The following PER2 variants were observed in gnomAD, a reference collection of about 807,000 sequenced individuals.
The protein encoded by PER2 is period circadian regulator 2, also known as period circadian protein homolog 2.
Under a neutral mutation model 121.0 loss-of-function variants are expected in PER2, and 66 were observed. The ratio of observed to expected loss-of-function variants is 0.55; its 90% CI spans 0.45 to 0.67. The LOEUF (loss-of-function observed/expected upper bound fraction) is 0.67. Among genes scored for constraint, PER2 ranks in the 30% least tolerant of loss-of-function variants. The pLI, the probability that PER2 is intolerant of heterozygous loss-of-function variation, is 0.00. For missense variants in PER2, 1,521 were observed against 1,635.0 expected (o/e 0.93, Z 1.20); for synonymous variants, 684 against 659.9 (o/e 1.04, Z -0.56).
intron 14 of PER2, 143 bp from the exon 15 acceptor site, chr2:238,258,787 T>G: frequency 1.2e-6 from 1 of 840,452 alleles, no homozygotes; most frequent in Non-Finnish European, 1.9e-6. Flanking sequence ...GGGGACAGCC[T>G]GGCATCTGGC....
At chr2:238,285,949 C>A (rs1168769365) in intron 1 of PER2, among the ~76,000 whole-genome samples, 2 of 152,112 alleles carry the variant, frequency 1.3e-5, no homozygotes, top group African/African-American at 4.8e-5. Context: ...GTTTGTCCTG[C>A]TAAATAAACA....
At chr2:238,261,963 C>T in intron 11 of PER2, 126 bp from the exon 12 acceptor site, 2 of 754,378 alleles carry the variant, frequency 2.7e-6, no homozygotes, top group Admixed American at 2.2e-5. Flanking sequence ...GCCCCCCAGG[C>T]TGCTGCCTGT....
At chr2:238,261,390 C>G (rs957224678) in intron 12 of PER2, 1 of 407,126 alleles carries the variant, frequency 2.5e-6, no homozygotes, top group Non-Finnish European at 4.6e-6. Context: ...CCCTTAAGTC[C>G]CACTGCTCTG....
rs868221335 is a variant in PER2, at chr2:238,246,460, G to C, written c.3683C>G (p.Pro1228Arg). Residue 1228 changes from proline (P) to arginine (R), a missense_variant, in exon 23 of 23, where the codon CCT (proline) becomes CGT (arginine). Physicochemically the swap from Pro to Arg is moderately radical, Grantham distance 103. Transcript: ENST00000254657. ...NICIPYEEDI[P>R]SLGLSEVSDT... ...CGACACTTCGCTGAGTCCCAGAGAAGGAATATCTTCCTCATATGGTATGCA... is the reference window on the plus strand; with the variant it reads ...CGACACTTCGCTGAGTCCCAGAGAACGAATATCTTCCTCATATGGTATGCA... 2 of 1,600,558 alleles carry C rather than the reference G, an allele frequency of 1.2e-6. No homozygotes were observed. The highest frequency in any genetic ancestry group is 1.7e-6 in the Non-Finnish European group (2 of 1,167,920).
chr2:238,262,518 G>A (rs1695966850), intron 10 of PER2, among the ~76,000 whole-genome samples, 174 bp from the exon 11 acceptor site: 1 of 152,150 alleles, frequency 6.6e-6, no homozygotes, highest in East Asian at 1.9e-4. Flanking sequence ...ATTACCAGGA[G>A]GCTGTTTCCA....
chr2:238,270,437 AT>A (rs1343340082), intron 6 of PER2, among the ~76,000 whole-genome samples: 3 of 151,782 alleles, frequency 2.0e-5, no homozygotes, highest in African/African-American at 4.8e-5. Flanking sequence ...AAAAAAAAAA[AT>A]CTTAGATCTA....
chr2:238,246,850 T>C (rs1163927854), intron 22 of PER2, among the ~76,000 whole-genome samples: 1 of 152,186 alleles, frequency 6.6e-6, no homozygotes, highest in Non-Finnish European at 1.5e-5. Context: ...TGCTCCAGCC[T>C]GGGCGACAGA....
At chr2:238,258,088 C>A (rs1695816712) in intron 16 of PER2, among the ~76,000 whole-genome samples, 188 bp downstream of exon 16, 1 of 152,270 alleles carries the variant, frequency 6.6e-6, no homozygotes, top group Non-Finnish European at 1.5e-5. Context: ...GTTCTCAAAG[C>A]CAAGGCTCTG....
At chr2:238,256,766 C>G (rs991280901) in intron 17 of PER2, among the ~76,000 whole-genome samples, 156 bp downstream of exon 17, 1 of 152,278 alleles carries the variant, frequency 6.6e-6, no homozygotes, top group Non-Finnish European at 1.5e-5. Flanking sequence ...GCTGGCCGCA[C>G]TCCACCCTGC....
intron 17 of PER2, among the ~76,000 whole-genome samples, chr2:238,256,454 AAAGAAC>A (rs1472372162): frequency 6.6e-6 from 1 of 152,198 alleles, no homozygotes; most frequent in Admixed American, 6.5e-5. Context: ...ATAATATTCT[AAAGAAC>A]AAGAACACTC....
chr2:238,273,332 A>G, intron 4 of PER2, 141 bp from the exon 5 acceptor site: 1 of 899,680 alleles, frequency 1.1e-6, no homozygotes, highest in East Asian at 2.7e-5. Flanking sequence ...GACACAGAAC[A>G]TACGGAAACG....
At chr2:238,295,034 C>T (rs1175689862), upstream of PER2, among the ~76,000 whole-genome samples, 1 of 152,228 alleles carries the variant, frequency 6.6e-6, no homozygotes, top group Admixed American at 6.5e-5. Context: ...AAGGCTCAGG[C>T]CTGTGCACCT....
At chr2:238,270,771 C>T (rs1412141214) in intron 6 of PER2, among the ~76,000 whole-genome samples, 1 of 152,246 alleles carries the variant, frequency 6.6e-6, no homozygotes, top group Non-Finnish European at 1.5e-5. Flanking sequence ...GGCCCAGCAG[C>T]CAAGAAGGCT....
chr2:238,249,535 C>T (rs541426412), intron 21 of PER2, among the ~76,000 whole-genome samples: 6 of 152,342 alleles, frequency 3.9e-5, no homozygotes, highest in African/African-American at 1.2e-4. Context: ...AGCAGGACGG[C>T]ATTCCCCTGC....
intron 18 of PER2, chr2:238,254,871 A>C (rs1176609333): frequency 6.6e-6 from 1 of 152,060 alleles, no homozygotes; most frequent in Non-Finnish European, 1.5e-5. Context: ...CTGTGGGCTT[A>C]ATTTCTTACA....
At position 238,256,169 on chromosome 2, in the gene PER2, T is replaced by C. The variant is rs925518217; in HGVS notation, c.2066-258A>G. ...TGAACAAACGGAAACGTGGGGAACCTTGGGCTTCAGCTCTGCTGCTGAAGA... is the reference window on the plus strand; with the variant it reads ...TGAACAAACGGAAACGTGGGGAACCCTGGGCTTCAGCTCTGCTGCTGAAGA... On this transcript the variant is annotated intron_variant, in intron 17 of 22. Coordinates refer to ENST00000254657, the MANE Select transcript of PER2 (RefSeq NM_022817.3). Among the ~76,000 whole-genome samples, 4 of 152,254 alleles carry C rather than the reference T, an allele frequency of 2.6e-5. No homozygotes were observed. In the South Asian group the frequency reaches 6.2e-4, roughly 24 times the overall value.
rs1574836012 is a variant in PER2 at position 238,246,401 on chromosome 2, T to C, written c.3742A>G (p.Asn1248Asp). The C allele has an allele frequency of 1.2e-6, 2 of 1,612,358 alleles. No homozygotes were observed. The highest frequency in any genetic ancestry group is 1.3e-5 in the African/African-American group (1 of 74,894). ...TACGTCTGCTCTTCGATCCTGTGAT[T>C]CAAGGGGGATCCATTTTCGTCTTCT... Reference protein sequence around the residue: ...TKEDENGSPLNHRIEEQT With the variant: ...TKEDENGSPLDHRIEEQT Residue 1248 changes from asparagine to aspartate, a missense_variant, in exon 23 of 23, where the codon AAT (asparagine) becomes GAT (aspartate). Coordinates refer to ENST00000254657, the MANE Select transcript of PER2 (RefSeq NM_022817.3).
intron 16 of PER2, among the ~76,000 whole-genome samples, chr2:238,257,505 G>A (rs551399792): frequency 6.6e-6 from 1 of 152,096 alleles, no homozygotes; most frequent in Non-Finnish European, 1.5e-5. Context: ...ATGGAGTCTC[G>A]CTCTGTCACC....
intron 1 of PER2, among the ~76,000 whole-genome samples, chr2:238,283,379 C>A (rs944429293): frequency 6.6e-6 from 1 of 152,214 alleles, no homozygotes; most frequent in Non-Finnish European, 1.5e-5. Context: ...TCTACTGCTA[C>A]CCTGGGACTG....
Sources: gnomAD v4.1 joint callset for allele counts (sites outside exome capture counted in the v4.1 genomes callset) on GRCh38, gnomAD v4.1.1 for gene constraint, MANE v1.5 for transcripts, NCBI Gene and HGNC (gene_info 2026-07-23, HGNC 2026-07-21) for gene names.